Variants in PTPRK observed in about 807,000 individuals in gnomAD.
PTPRK encodes receptor-type tyrosine-protein phosphatase kappa.
A neutral mutation model predicts 178.0 loss-of-function variants in PTPRK; 75 were observed. That is an observed-to-expected ratio of 0.42 (90% CI 0.35 to 0.51). The LOEUF is 0.51. Among genes scored for constraint, PTPRK ranks in the 20% least tolerant of loss-of-function variants. PTPRK has a pLI of 0.02. For synonymous variants in PTPRK, 637 were observed against 620.6 expected (o/e 1.03, Z -0.39); for missense variants, 1,441 against 1,797.8 (o/e 0.80, Z 3.59).
chr6:128,244,415 TG>T lies in PTPRK; in HGVS notation c.496-1814del, dbSNP rs201173532. On this transcript the variant is annotated intron_variant, in intron 3 of 29. Transcript: ENST00000368226. ...AATAAGAGAAGAAAACTACTGGAAATGAAAGTCAAGACTGAAAAGGCCACCA... is the reference window on the plus strand; with the variant it reads ...AATAAGAGAAGAAAACTACTGGAAATAAAGTCAAGACTGAAAAGGCCACCA... Among the ~76,000 whole-genome samples, 1,034 of 152,050 alleles carry T rather than the reference TG, an allele frequency of 6.8e-3. 8 individuals carry two copies. The highest frequency in any genetic ancestry group is 0.011 in the Non-Finnish European group (725 of 67,988).
rs75802863 is a variant in PTPRK at position 128,022,863 on chromosome 6, T to C, written c.2195-13595A>G. 8.0e-4 allele frequency among the ~76,000 whole-genome samples: 122 copies of C among 152,346 alleles called. 3 individuals are homozygous for C. In the East Asian group the frequency reaches 0.021, roughly 27 times the overall value. ...AATTTGAGAGACTAGAGAGCTAAGA[T>C]ATTTAAAGGAAAATTGTGTTCTCTA... On this transcript the variant is annotated intron_variant, in intron 13 of 29. Coordinates refer to ENST00000368226, the MANE Select transcript of PTPRK (RefSeq NM_002844.4).
chr6:128,060,179 C>G (rs556008065), intron 13 of PTPRK, among the ~76,000 whole-genome samples: 3 of 152,250 alleles, frequency 2.0e-5, no homozygotes, highest in African/African-American at 7.2e-5. Context: ...AAGAATAATT[C>G]AAAATGCTGG....
At chr6:128,017,471 T>C (rs1374288191) in intron 13 of PTPRK, among the ~76,000 whole-genome samples, 1 of 151,634 alleles carries the variant, frequency 6.6e-6, no homozygotes, top group African/African-American at 2.4e-5. Context: ...CCTAAATTGA[T>C]CATGCTTTCA....
At chr6:128,152,881 A>C (rs1797472788) in intron 7 of PTPRK, among the ~76,000 whole-genome samples, 1 of 151,984 alleles carries the variant, frequency 6.6e-6, no homozygotes, top group Non-Finnish European at 1.5e-5. Context: ...AGAGTGACAG[A>C]ATTATCAGGG....
At chr6:128,182,886 A>AT (rs1380975911) in intron 7 of PTPRK, among the ~76,000 whole-genome samples, 5 of 152,144 alleles carry the variant, frequency 3.3e-5, no homozygotes, top group Non-Finnish European at 7.4e-5. Flanking sequence ...GGTAATGCTA[A>AT]TTTTTTAAAG....
At chr6:128,314,699 T>C (rs1398335806) in intron 3 of PTPRK, among the ~76,000 whole-genome samples, 2 of 152,112 alleles carry the variant, frequency 1.3e-5, no homozygotes, top group African/African-American at 4.8e-5. Context: ...TCCCACAACA[T>C]AGTCACTCAG....
At chr6:128,411,719 A>G (rs1356155467) in intron 1 of PTPRK, among the ~76,000 whole-genome samples, 1 of 152,206 alleles carries the variant, frequency 6.6e-6, no homozygotes, top group Non-Finnish European at 1.5e-5. Context: ...AAAATACAAA[A>G]ATTACTTAAC....
intron 7 of PTPRK, among the ~76,000 whole-genome samples, chr6:128,118,259 G>A (rs765594539): frequency 2.6e-5 from 4 of 152,276 alleles, no homozygotes; most frequent in East Asian, 3.9e-4. Context: ...CTAGGTCACC[G>A]TGGACTTACA....
At chr6:128,422,985 G>A (rs1843676538) in intron 1 of PTPRK, among the ~76,000 whole-genome samples, 1 of 152,116 alleles carries the variant, frequency 6.6e-6, no homozygotes, top group Admixed American at 6.5e-5. Flanking sequence ...AAAAATTTGG[G>A]AAGTCCAGCA....
intron 7 of PTPRK, among the ~76,000 whole-genome samples, chr6:128,090,718 C>A (rs1786766371): frequency 6.6e-6 from 1 of 152,122 alleles, no homozygotes. Flanking sequence ...TAGAATCCAT[C>A]CTTCACTGCT....
chr6:128,269,582 T>C (rs1419441507), intron 3 of PTPRK, among the ~76,000 whole-genome samples: 1 of 151,462 alleles, frequency 6.6e-6, no homozygotes, highest in East Asian at 1.9e-4. Flanking sequence ...TCAGTTAAAG[T>C]GTATAAAGAA....
intron 3 of PTPRK, among the ~76,000 whole-genome samples, chr6:128,290,325 C>T (rs777934082): frequency 1.3e-5 from 2 of 152,106 alleles, no homozygotes; most frequent in African/African-American, 2.4e-5. Flanking sequence ...AAAAAACCCA[C>T]AAAGATATGC....
chr6:128,468,594 T>C (rs886262409), intron 1 of PTPRK, among the ~76,000 whole-genome samples: 2 of 152,176 alleles, frequency 1.3e-5, no homozygotes, highest in South Asian at 2.1e-4. Flanking sequence ...TTTTCTAAAA[T>C]AGATTTGCAG....
Position 127,990,875 on chromosome 6 carries a change from T to C in PTPRK, c.2990A>G (p.Tyr997Cys), listed in dbSNP as rs1257807538. The change falls in exon 21 of 30, where the codon TAT (tyrosine) becomes TGT (cysteine). Residue 997 changes from tyrosine to cysteine, a missense_variant. Tyr to Cys is a radical substitution (Grantham distance 194). Transcript: ENST00000368226. ...NLVEVGRVKC[Y>C]KYWPDDTEVY... Reference sequence around the variant, plus strand: ...TTCAGTATCATCAGGCCAATATTTATAGCATTTAACCTAAGTGACAAAAAG... The same window carrying C: ...TTCAGTATCATCAGGCCAATATTTACAGCATTTAACCTAAGTGACAAAAAG... 8 of 1,598,994 alleles carry C rather than the reference T, an allele frequency of 5.0e-6. No homozygotes were observed. The highest frequency in any genetic ancestry group is 1.7e-5 in the Admixed American group (1 of 59,872).
At chr6:128,059,172 A>T (rs1295191020) in intron 13 of PTPRK, among the ~76,000 whole-genome samples, 1 of 152,028 alleles carries the variant, frequency 6.6e-6, no homozygotes, top group Non-Finnish European at 1.5e-5. Flanking sequence ...TCAGATTGTT[A>T]ATTTTTTTAA....
intron 13 of PTPRK, among the ~76,000 whole-genome samples, chr6:128,058,552 C>G (rs1436119748): frequency 6.6e-6 from 1 of 151,938 alleles, no homozygotes; most frequent in Non-Finnish European, 1.5e-5. Flanking sequence ...TGCCTTATTT[C>G]AGATATATTT....
At chr6:128,254,536 T>C (rs1426548401) in intron 3 of PTPRK, among the ~76,000 whole-genome samples, 2 of 152,152 alleles carry the variant, frequency 1.3e-5, no homozygotes, top group Non-Finnish European at 2.9e-5. Flanking sequence ...AAAACATATA[T>C]TTAAAATGAA....
In PTPRK at chr6:128,219,976, A is replaced by T. The variant is rs559469122; in HGVS notation, c.694-880T>A. 7.9e-5 allele frequency among the ~76,000 whole-genome samples: 12 copies of T among 152,340 alleles called. No individual in the cohort carries two copies. In the East Asian group the frequency reaches 2.3e-3, roughly 29 times the overall value. Reference sequence around the variant, plus strand: ...GACAGCCAATTTATACATTTTAGAGAATTAGTCAAAAGAGCCTAAACTTTG... The same window carrying T: ...GACAGCCAATTTATACATTTTAGAGTATTAGTCAAAAGAGCCTAAACTTTG... On this transcript the variant is annotated intron_variant, in intron 5 of 29. Transcript: ENST00000368226.
chr6:128,011,965 GA>G (rs200405636), intron 13 of PTPRK, among the ~76,000 whole-genome samples: 1 of 150,592 alleles, frequency 6.6e-6, no homozygotes, highest in African/African-American at 2.4e-5. Flanking sequence ...GGTTAATAAA[GA>G]AAAAAAAGCC....
Sources: gnomAD v4.1 joint callset for allele counts (sites outside exome capture counted in the v4.1 genomes callset) on GRCh38, gnomAD v4.1.1 for gene constraint, MANE v1.5 for transcripts, NCBI Gene and HGNC (gene_info 2026-07-23, HGNC 2026-07-21) for gene names.